IL15: variants seen among roughly 807,000 people sequenced by gnomAD.
The protein encoded by IL15 is interleukin 15.
Under a neutral mutation model 19.6 loss-of-function variants are expected in IL15, and 11 were observed. That is an observed-to-expected ratio of 0.56 (90% CI 0.35 to 0.93). The LOEUF is 0.93. IL15 is among the 40% of genes least tolerant of loss of function. The probability of loss-of-function intolerance (pLI) is 0.01; values close to 1 mark genes in which losing one functional copy is unlikely to be tolerated. For missense variants in IL15, 197 were observed against 186.5 expected (o/e 1.06, Z -0.33); for synonymous variants, 58 against 59.6 (o/e 0.97, Z 0.12).
intron 2 of IL15, among the ~76,000 whole-genome samples, chr4:141,703,914 C>T (rs1729421954): frequency 6.6e-6 from 1 of 151,978 alleles, no homozygotes; most frequent in Non-Finnish European, 1.5e-5. Context: ...TGTTGTTTTT[C>T]TGTCCTGCAA....
intron 2 of IL15, among the ~76,000 whole-genome samples, chr4:141,688,618 A>AT: frequency 6.6e-6 from 1 of 152,120 alleles, no homozygotes; most frequent in East Asian, 1.9e-4. Context: ...TTCTCTTTAT[A>AT]TGCTCTTTTG....
At chr4:141,668,545 G>A (rs573624226) in intron 2 of IL15, among the ~76,000 whole-genome samples, 2 of 152,342 alleles carry the variant, frequency 1.3e-5, no homozygotes, top group Admixed American at 1.3e-4. Flanking sequence ...GTATCTGTCA[G>A]GAGTTTGGCT....
chr4:141,660,280 G>C lies in IL15; in HGVS notation c.-100+3973G>C, dbSNP rs1474963566. 2.6e-5 allele frequency among the ~76,000 whole-genome samples: 4 copies of C among 152,168 alleles called. No homozygotes were observed. The East Asian group carries it at 7.7e-4, about 29-fold the overall frequency. On this transcript the variant is annotated intron_variant, in intron 2 of 7. Coordinates refer to ENST00000320650, the MANE Select transcript of IL15 (RefSeq NM_000585.5). ...TTCTGAAAATAAATGCATTTATAAA[G>C]CAGAATTTGGGTATAAACTAAGTTA... is the stretch of plus-strand genomic sequence containing the variant.
At position 141,668,186 on chromosome 4, in the gene IL15, C is replaced by T. The variant is rs72946466; in HGVS notation, c.-100+11879C>T. On this transcript the variant is annotated intron_variant, in intron 2 of 7. Coordinates refer to ENST00000320650, the MANE Select transcript of IL15 (RefSeq NM_000585.5). ...AGATAATACATAGTGCCACATATGG[C>T]GGGAAATACACGCACATCCTTGTTC... Among the ~76,000 whole-genome samples, 539 of 152,274 alleles carry T rather than the reference C, an allele frequency of 3.5e-3. 2 individuals carry two copies. The highest frequency in any genetic ancestry group is 0.012 in the African/African-American group (500 of 41,548).
At chr4:141,660,536 C>A (rs779583663) in intron 2 of IL15, among the ~76,000 whole-genome samples, 3 of 151,972 alleles carry the variant, frequency 2.0e-5, no homozygotes, top group Admixed American at 6.6e-5. Flanking sequence ...CACCAGGTGC[C>A]GTAATTACTA....
At chr4:141,687,887 AT>A (rs945278360) in intron 2 of IL15, among the ~76,000 whole-genome samples, 9 of 152,322 alleles carry the variant, frequency 5.9e-5, no homozygotes, top group African/African-American at 2.2e-4. Context: ...AAAAAATGCC[AT>A]ATTCATTTCA....
At chr4:141,721,118 C>G in intron 4 of IL15, 1 of 1,527,794 alleles carries the variant, frequency 6.5e-7, no homozygotes, top group South Asian at 1.2e-5. Context: ...TAATCTGACT[C>G]TCAGTTCAGT....
rs143504057 is a variant in IL15, at chr4:141,703,489, G to T, written c.-99-15877G>T. ...CTGCTTCTACTTTTATTTTCACGAG[G>T]CTCCCTAAATTTGTTCCAGCTCTTG... On this transcript the variant is annotated intron_variant, in intron 2 of 7. Coordinates refer to ENST00000320650, the MANE Select transcript of IL15 (RefSeq NM_000585.5). Among the ~76,000 whole-genome samples, 10 of 152,126 alleles carry T rather than the reference G, an allele frequency of 6.6e-5. No homozygotes were observed. In the East Asian group the frequency reaches 1.7e-3, roughly 26 times the overall value.
At chr4:141,702,491 G>A (rs1249423506) in intron 2 of IL15, among the ~76,000 whole-genome samples, 1 of 152,212 alleles carries the variant, frequency 6.6e-6, no homozygotes, top group Non-Finnish European at 1.5e-5. Context: ...TTCCTTGGTT[G>A]TCAATAGGCT....
At chr4:141,663,710 T>G (rs1463529958) in intron 2 of IL15, among the ~76,000 whole-genome samples, 1 of 152,184 alleles carries the variant, frequency 6.6e-6, no homozygotes, top group East Asian at 1.9e-4. Context: ...GGCCAACTGT[T>G]ACATGGAAAG....
chr4:141,729,701 T>A (rs1299716244), intron 6 of IL15, 146 bp from the exon 7 acceptor site: 11 of 528,824 alleles, frequency 2.1e-5, no homozygotes, highest in Non-Finnish European at 3.6e-5. Flanking sequence ...AGAAAAAAAA[T>A]TAAGCTGCCT....
intron 1 of IL15, among the ~76,000 whole-genome samples, chr4:141,653,549 C>G (rs914932348): frequency 1.3e-5 from 2 of 152,114 alleles, no homozygotes; most frequent in African/African-American, 4.8e-5. Flanking sequence ...TTTAACCATC[C>G]CCCTTTCTGA....
intron 1 of IL15, among the ~76,000 whole-genome samples, chr4:141,639,311 T>C (rs926405378): frequency 6.6e-6 from 1 of 152,210 alleles, no homozygotes; most frequent in African/African-American, 2.4e-5. Context: ...AGCGTTGTAA[T>C]GGTAGAATGC....
chr4:141,642,272 G>A (rs142950644), intron 1 of IL15, among the ~76,000 whole-genome samples: 203 of 152,210 alleles, frequency 1.3e-3, no homozygotes, highest in African/African-American at 4.6e-3. Context: ...GAACTTGCCA[G>A]AAATCTGCCT....
At chr4:141,682,266 T>C (rs1026432332) in intron 2 of IL15, among the ~76,000 whole-genome samples, 3 of 152,230 alleles carry the variant, frequency 2.0e-5, no homozygotes, top group Non-Finnish European at 1.5e-5. Context: ...CATAAATATC[T>C]ACCTCTCCTT....
chr4:141,706,943 G>C (rs1371739823), intron 2 of IL15, among the ~76,000 whole-genome samples: 1 of 152,082 alleles, frequency 6.6e-6, no homozygotes, highest in Non-Finnish European at 1.5e-5. Context: ...CTAGATGTTT[G>C]TATCTCTGAA....
intron 1 of IL15, among the ~76,000 whole-genome samples, chr4:141,641,381 G>T (rs931662150): frequency 2.0e-5 from 3 of 152,018 alleles, no homozygotes; most frequent in Non-Finnish European, 4.4e-5. Flanking sequence ...AAATCATGCT[G>T]CTGTAAAGAC....
intron 1 of IL15, among the ~76,000 whole-genome samples, chr4:141,655,699 A>G (rs756405775): frequency 6.6e-6 from 1 of 152,156 alleles, no homozygotes; most frequent in East Asian, 1.9e-4. Context: ...TTAAAATATT[A>G]TACTATATTA....
chr4:141,683,341 T>C (rs1278069380), intron 2 of IL15, among the ~76,000 whole-genome samples: 2 of 151,482 alleles, frequency 1.3e-5, no homozygotes, highest in African/African-American at 2.4e-5. Context: ...AAGGGCAAGG[T>C]GGGTGGATTG....
Sources: allele counts gnomAD v4.1 joint callset (sites outside exome capture counted in the v4.1 genomes callset), GRCh38; gene constraint gnomAD v4.1.1; transcripts MANE v1.5; gene names NCBI Gene and HGNC (gene_info 2026-07-23, HGNC 2026-07-21).